DAPK2: variants seen among roughly 807,000 people sequenced by gnomAD.
The protein encoded by DAPK2 is death-associated protein kinase 2.
A neutral mutation model predicts 44.1 loss-of-function variants in DAPK2; 35 were observed. That is an observed-to-expected ratio of 0.79 (90% CI 0.61 to 1.05). DAPK2 has a LOEUF of 1.05. DAPK2 is among the 50% of genes least tolerant of loss of function. The probability of loss-of-function intolerance (pLI) is 0.00; values close to 1 mark genes in which losing one functional copy is unlikely to be tolerated. For synonymous variants in DAPK2, 174 were observed against 182.6 expected (o/e 0.95, Z 0.38); for missense variants, 453 against 483.2 (o/e 0.94, Z 0.59).
At chr15:63,986,490 T>C (rs1052237958) in intron 1 of DAPK2, among the ~76,000 whole-genome samples, 1 of 152,072 alleles carries the variant, frequency 6.6e-6, no homozygotes, top group Non-Finnish European at 1.5e-5. Context: ...AGTGGTGTGA[T>C]CATAACTCAC....
intron 1 of DAPK2, among the ~76,000 whole-genome samples, chr15:64,027,702 T>C (rs975901427): frequency 6.6e-6 from 1 of 152,260 alleles, no homozygotes; most frequent in African/African-American, 2.4e-5. Flanking sequence ...AAAATGTTAA[T>C]GTATCTTTAC....
At chr15:63,911,778 A>T in intron 10 of DAPK2, 130 bp downstream of exon 11, 1 of 886,738 alleles carries the variant, frequency 1.1e-6, no homozygotes, top group South Asian at 1.6e-5. Flanking sequence ...GAAGAGGAGG[A>T]CTGGGCCAGC....
At position 64,030,979 on chromosome 15, in the gene DAPK2, TACAC is replaced by T. The variant is rs71131201; in HGVS notation, c.92+9187_92+9190del. On this transcript the variant is annotated intron_variant, in intron 1 of 10. Coordinates refer to ENST00000261891, the Ensembl canonical transcript of DAPK2. Reference sequence around the variant, plus strand: ...AAGACCCTGTCTCAAAATACACACATACACACACACACACACACACACACACACA... The same window carrying T: ...AAGACCCTGTCTCAAAATACACACATACACACACACACACACACACACACA... 1.4e-3 allele frequency among the ~76,000 whole-genome samples: 203 copies of T among 140,282 alleles called. 1 individual carries two copies. Among genetic ancestry groups the T allele is most frequent in the South Asian group, 4.3e-3 (18 of 4,180 alleles). 92.0% of individuals were successfully genotyped at this position (140,282 alleles called of 152,430 possible).
chr15:63,964,068 T>C (rs1426601117), intron 3 of DAPK2, among the ~76,000 whole-genome samples: 1 of 152,254 alleles, frequency 6.6e-6, no homozygotes, highest in Non-Finnish European at 1.5e-5. Context: ...GATGGTTTCT[T>C]ATTGCTCATT....
At chr15:63,953,036 A>T (rs987874559) in intron 3 of DAPK2, among the ~76,000 whole-genome samples, 1 of 151,572 alleles carries the variant, frequency 6.6e-6, no homozygotes, top group African/African-American at 2.4e-5. Flanking sequence ...GTTTGGTTAC[A>T]TAAGTTCTTT....
intron 1 of DAPK2, among the ~76,000 whole-genome samples, chr15:64,034,107 G>T (rs1567288182): frequency 6.6e-6 from 1 of 152,048 alleles, no homozygotes; most frequent in Non-Finnish European, 1.5e-5. Flanking sequence ...CTTGCTTCAG[G>T]GTTAGTCTTA....
At chr15:63,924,350 A>G (rs2079177333) in intron 8 of DAPK2, among the ~76,000 whole-genome samples, 1 of 152,066 alleles carries the variant, frequency 6.6e-6, no homozygotes, top group Non-Finnish European at 1.5e-5. Flanking sequence ...CCCATTCCTC[A>G]GGGCCTGAGG....
chr15:63,973,537 C>T (rs2078269007), intron 2 of DAPK2, among the ~76,000 whole-genome samples: 1 of 152,340 alleles, frequency 6.6e-6, no homozygotes, highest in South Asian at 2.1e-4. Context: ...TTTTGTAACA[C>T]GACATGTTTG....
chr15:63,935,240 G>T (rs1012328228), intron 4 of DAPK2, among the ~76,000 whole-genome samples: 1 of 151,828 alleles, frequency 6.6e-6, no homozygotes, highest in Non-Finnish European at 1.5e-5. Context: ...ACAAGCGTGC[G>T]CCACCATGCC....
intron 1 of DAPK2, among the ~76,000 whole-genome samples, chr15:63,995,199 T>C (rs551386464): frequency 4.6e-5 from 7 of 152,216 alleles, no homozygotes; most frequent in African/African-American, 1.7e-4. Flanking sequence ...GTTTTCTTTT[T>C]GAGACAGGGT....
At chr15:64,015,608 T>C (rs332291) in intron 1 of DAPK2, among the ~76,000 whole-genome samples, 5,703 of 152,248 alleles carry the variant, frequency 0.037, 334 homozygotes, top group African/African-American at 0.13. Flanking sequence ...TTTGCAGATG[T>C]AATTAATTTA....
intron 1 of DAPK2, among the ~76,000 whole-genome samples, chr15:64,026,492 C>T (rs773876292): frequency 1.3e-5 from 2 of 152,146 alleles, no homozygotes; most frequent in Non-Finnish European, 2.9e-5. Context: ...TATCTACCCA[C>T]CTCCACCTCC....
Position 63,939,351 on chromosome 15 carries a change from A to C in DAPK2, c.464T>G (p.Ile155Ser), listed in dbSNP as rs967994152. Residue 155 changes from isoleucine (I) to serine (S), a missense_variant, in exon 4 of 11, where the codon ATT becomes AGT. Ile to Ser is a moderately radical substitution (Grantham distance 142). Coordinates refer to ENST00000261891, the Ensembl canonical transcript of DAPK2. This position sits in a 1 kb window ranked among gnomAD's most constrained non-coding sequence, Gnocchi z 4.3. The stretch of plus-strand genomic sequence containing the variant: ...GGGAATATTCTTGTCTAACAACATA[A>C]TGTTTTCTGGCTGGACAACAAAAAG... 6.2e-7 allele frequency: 1 copy of C among 1,607,226 alleles called. No individual in the cohort carries two copies. Among genetic ancestry groups the C allele is most frequent in the African/African-American group, 1.3e-5 (1 of 74,478 alleles).
intron 1 of DAPK2, among the ~76,000 whole-genome samples, chr15:64,006,360 C>T (rs2079229969): frequency 6.6e-6 from 1 of 152,124 alleles, no homozygotes; most frequent in Admixed American, 6.5e-5. Context: ...CATAAGCCCC[C>T]AGACTGACCA....
At chr15:64,033,289 G>GAAGGAAGGAAGGAAGGAAGA (rs2080078678) in intron 1 of DAPK2, among the ~76,000 whole-genome samples, 1 of 39,860 alleles carries the variant, frequency 2.5e-5, no homozygotes, top group Non-Finnish European at 1.2e-4. Context: ...GGGGAAGGGG[G>GAAGGAAGGAAGGAAGGAAGA]AAGGAAGGAA....
intron 1 of DAPK2, among the ~76,000 whole-genome samples, chr15:64,018,627 G>A (rs767628270): frequency 1.1e-4 from 16 of 152,264 alleles, no homozygotes; most frequent in Middle Eastern, 3.4e-3. Context: ...GCCCCTCTAG[G>A]TTGCACCAGG....
At chr15:63,930,967 G>A (rs1246023393) in intron 4 of DAPK2, among the ~76,000 whole-genome samples, 1 of 152,130 alleles carries the variant, frequency 6.6e-6, no homozygotes, top group Non-Finnish European at 1.5e-5. Flanking sequence ...AAGAGGCTGA[G>A]GTGGGAGGAT....
At chr15:63,914,888 C>T (rs780163050) in intron 8 of DAPK2, among the ~76,000 whole-genome samples, 9 of 152,170 alleles carry the variant, frequency 5.9e-5, no homozygotes, top group Admixed American at 2.0e-4. Flanking sequence ...TTCACTATGC[C>T]GGGGCACTAA....
chr15:63,945,957 T>C (rs9806191), intron 3 of DAPK2, among the ~76,000 whole-genome samples: 134,336 of 152,240 alleles, frequency 0.88, 60,076 homozygotes, highest in East Asian at 1. Flanking sequence ...GCAGTCCGAT[T>C]CTATCCATAC....
Sources: allele counts gnomAD v4.1 joint callset (sites outside exome capture counted in the v4.1 genomes callset), GRCh38; gene constraint gnomAD v4.1.1; non-coding constraint Gnocchi (gnomAD v3.1); transcripts MANE v1.5; gene names NCBI Gene and HGNC (gene_info 2026-07-23, HGNC 2026-07-21).